The following STX8 variants were observed in gnomAD, a reference collection of about 807,000 sequenced individuals.
STX8 encodes syntaxin 8.
A neutral mutation model predicts 37.5 loss-of-function variants in STX8; 23 were observed. The ratio of observed to expected loss-of-function variants is 0.61; its 90% CI spans 0.44 to 0.87. The LOEUF is 0.87. Among genes scored for constraint, STX8 ranks in the 40% least tolerant of loss-of-function variants. STX8 has a pLI of 0.00. For synonymous variants in STX8, 115 were observed against 99.1 expected (o/e 1.16, Z -0.95); for missense variants, 313 against 284.7 (o/e 1.10, Z -0.71).
intron 7 of STX8, among the ~76,000 whole-genome samples, chr17:9,307,738 G>T (rs538670955): frequency 3.9e-5 from 6 of 152,094 alleles, no homozygotes; most frequent in Non-Finnish European, 8.8e-5. Context: ...GAGGGAGACT[G>T]GGAGGCATCA....
intron 7 of STX8, among the ~76,000 whole-genome samples, chr17:9,314,015 A>T (rs1243213435): frequency 6.6e-6 from 1 of 152,170 alleles, no homozygotes; most frequent in African/African-American, 2.4e-5. Context: ...CATTTCTCTG[A>T]CATCACTGAT....
intron 6 of STX8, among the ~76,000 whole-genome samples, chr17:9,408,396 G>T (rs1912869467): frequency 6.6e-6 from 1 of 152,182 alleles, no homozygotes. Flanking sequence ...AGGGAGTCAT[G>T]AACATCATAG....
chr17:9,422,097 G>A (rs867918094), intron 6 of STX8, among the ~76,000 whole-genome samples: 13 of 150,850 alleles, frequency 8.6e-5, no homozygotes, highest in Middle Eastern at 3.4e-3. Context: ...ACCCAGTCTC[G>A]GGTAGTAGTT....
intron 4 of STX8, among the ~76,000 whole-genome samples, chr17:9,527,185 CAAAAA>C (rs61665330): frequency 2.0e-5 from 1 of 49,634 alleles, no homozygotes; most frequent in African/African-American, 9.7e-5. Flanking sequence ...GACTCCGTCT[CAAAAA>C]AAAAAAAAAA....
chr17:9,572,441 G>A (rs1386288518), intron 1 of STX8, among the ~76,000 whole-genome samples: 4 of 152,074 alleles, frequency 2.6e-5, no homozygotes, highest in Admixed American at 1.3e-4. Flanking sequence ...ATGGAGTCTC[G>A]CTCTGTCGCC....
chr17:9,367,164 T>C (rs928266578), intron 7 of STX8, among the ~76,000 whole-genome samples: 2 of 143,994 alleles, frequency 1.4e-5, no homozygotes, highest in Non-Finnish European at 3.0e-5. Flanking sequence ...TGGGTTTTTG[T>C]TTTTTTTGTT....
At chr17:9,534,952 A>T (rs963293642) in intron 4 of STX8, among the ~76,000 whole-genome samples, 1 of 152,188 alleles carries the variant, frequency 6.6e-6, no homozygotes, top group African/African-American at 2.4e-5. Flanking sequence ...CAAAATACAT[A>T]TGGGAACGTA....
chr17:9,371,638 T>C (rs1911404630), intron 7 of STX8, among the ~76,000 whole-genome samples: 1 of 151,428 alleles, frequency 6.6e-6, no homozygotes, highest in Non-Finnish European at 1.5e-5. Flanking sequence ...GATTATGCTT[T>C]TTTTTTTTTT....
intron 4 of STX8, among the ~76,000 whole-genome samples, chr17:9,513,564 C>T (rs533484823): frequency 6.6e-6 from 1 of 152,270 alleles, no homozygotes; most frequent in East Asian, 1.9e-4. Flanking sequence ...CTCTTATACA[C>T]AGATGGTGGA....
At chr17:9,492,890 T>G (rs949463237) in intron 5 of STX8, among the ~76,000 whole-genome samples, 2 of 151,986 alleles carry the variant, frequency 1.3e-5, no homozygotes, top group African/African-American at 4.8e-5. Flanking sequence ...GGTCAGGAGA[T>G]CGAGACCATC....
intron 3 of STX8, among the ~76,000 whole-genome samples, chr17:9,556,267 C>T (rs1458485359): frequency 2.0e-5 from 3 of 152,034 alleles, no homozygotes; most frequent in Admixed American, 6.6e-5. Context: ...CTGGCAATAT[C>T]CATTCCCTGA....
chr17:9,316,511 T>A (rs1268037027), intron 7 of STX8, among the ~76,000 whole-genome samples: 2 of 152,150 alleles, frequency 1.3e-5, no homozygotes, highest in Admixed American at 1.3e-4. Flanking sequence ...AACCCAAAAG[T>A]ACAGGGTTTG....
At chr17:9,539,926 G>A (rs1242240646) in intron 4 of STX8, among the ~76,000 whole-genome samples, 1 of 152,166 alleles carries the variant, frequency 6.6e-6, no homozygotes, top group Non-Finnish European at 1.5e-5. Flanking sequence ...ACAATCAGGA[G>A]GGAAGGGGAT....
chr17:9,266,450 C>T (rs1026317659), intron 7 of STX8, among the ~76,000 whole-genome samples: 5 of 152,086 alleles, frequency 3.3e-5, no homozygotes, highest in Non-Finnish European at 5.9e-5. Context: ...CCTGTATTAG[C>T]GGCCGTTTTA....
Position 9,379,042 on chromosome 17 carries a change from C to G in STX8, c.542-389G>C, listed in dbSNP as rs1352926687. ...GGAGGATTGCCTGAGGTCAGGAGTT[C>G]GAGACCGGCCTGGCCAACATAGTGA... is the stretch of plus-strand genomic sequence containing the variant. On this transcript the variant is annotated intron_variant, in intron 6 of 7. Coordinates refer to ENST00000306357, the MANE Select transcript of STX8 (RefSeq NM_004853.3). Among the ~76,000 whole-genome samples the G allele has an allele frequency of 4.6e-5, 7 of 151,936 alleles. 1 individual carries two copies. Among genetic ancestry groups the G allele is most frequent in the Admixed American group, 1.3e-4 (2 of 15,238 alleles).
intron 6 of STX8, among the ~76,000 whole-genome samples, chr17:9,442,866 G>C (rs912281378): frequency 6.6e-6 from 1 of 152,174 alleles, no homozygotes; most frequent in African/African-American, 2.4e-5. Flanking sequence ...TCCTAAGAAC[G>C]TGTGAGATAT....
intron 6 of STX8, among the ~76,000 whole-genome samples, chr17:9,388,525 C>T (rs376490368): frequency 1.3e-4 from 20 of 151,284 alleles, no homozygotes; most frequent in South Asian, 4.2e-4. Context: ...TACATTTTTT[C>T]GGGCGTGGTG....
intron 6 of STX8, among the ~76,000 whole-genome samples, chr17:9,431,734 T>A (rs527756247): frequency 6.6e-6 from 1 of 152,212 alleles, no homozygotes; most frequent in East Asian, 1.9e-4. Flanking sequence ...GAACAGCAGG[T>A]TAGCAACAAC....
chr17:9,506,407 T>TCCCCCCCCCCCCCCCCCCCC lies in STX8; in HGVS notation c.324-1246_324-1245insGGGGGGGGGGGGGGGGGGGG, dbSNP rs57490676. Among the ~76,000 whole-genome samples, 16 of 39,358 alleles carry TCCCCCCCCCCCCCCCCCCCC rather than the reference T, an allele frequency of 4.1e-4. 3 individuals are homozygous for TCCCCCCCCCCCCCCCCCCCC. Among genetic ancestry groups the TCCCCCCCCCCCCCCCCCCCC allele is most frequent in the Admixed American group, 8.7e-4 (2 of 2,306 alleles). The allele number at this position is 39,358 out of a possible 152,430, so 25.8% of individuals were successfully genotyped here. ...TTAGAGTCAGCTGGTGCTCACCCGC[T>TCCCCCCCCCCCCCCCCCCCC]CCCCCCCCCCCCCACCCACCTTTCT... On this transcript the variant is annotated intron_variant, in intron 4 of 7. Coordinates refer to ENST00000306357, the MANE Select transcript of STX8 (RefSeq NM_004853.3).
Sources: gnomAD v4.1 joint callset for allele counts (sites outside exome capture counted in the v4.1 genomes callset) on GRCh38, gnomAD v4.1.1 for gene constraint, MANE v1.5 for transcripts, NCBI Gene and HGNC (gene_info 2026-07-23, HGNC 2026-07-21) for gene names.